The following PLPP1 variants were observed in gnomAD, a reference collection of about 807,000 sequenced individuals.
PLPP1 encodes lipid phosphate phosphohydrolase 1a.
PLPP1 carries 24 observed loss-of-function variants against 31.2 expected under a neutral mutation model. The ratio of observed to expected loss-of-function variants is 0.77; its 90% CI spans 0.56 to 1.08. The LOEUF (loss-of-function observed/expected upper bound fraction) is 1.08. Ranked by LOEUF, PLPP1 falls within the 50% of genes least tolerant of loss-of-function variation. The probability of loss-of-function intolerance (pLI) is 0.00; values close to 1 mark genes in which losing one functional copy is unlikely to be tolerated. For missense variants in PLPP1, 319 were observed against 342.7 expected, an observed-to-expected ratio of 0.93 and a Z score of 0.55; for synonymous variants, 146 against 126.3, an observed-to-expected ratio of 1.16 and a Z score of -1.05.
At chr5:55,484,798 C>T (rs1752742837) in intron 1 of PLPP1, 1 of 152,214 alleles carries the variant, frequency 6.6e-6, no homozygotes, top group Non-Finnish European at 1.5e-5. Flanking sequence ...CCAGCTCAAC[C>T]TCCAGGTAGG....
chr5:55,510,145 T>C (rs1753374317), intron 1 of PLPP1, among the ~76,000 whole-genome samples: 1 of 152,196 alleles, frequency 6.6e-6, no homozygotes, highest in Admixed American at 6.5e-5. Flanking sequence ...GAACTAGGGT[T>C]AGAAGTGATA....
At chr5:55,441,561 C>T (rs1751620841) in intron 4 of PLPP1, among the ~76,000 whole-genome samples, 1 of 150,164 alleles carries the variant, frequency 6.7e-6, no homozygotes, top group Non-Finnish European at 1.5e-5. Context: ...GAGAGTGGCT[C>T]CCAGTTAGGG....
At chr5:55,429,416 C>G (rs544467256) in intron 4 of PLPP1, among the ~76,000 whole-genome samples, 1 of 152,212 alleles carries the variant, frequency 6.6e-6, no homozygotes, top group South Asian at 2.1e-4. Context: ...GGAAGCAAGG[C>G]AGGGTACCTG....
chr5:55,432,802 A>T (rs1185046998), intron 4 of PLPP1, among the ~76,000 whole-genome samples: 994 of 5,606 alleles, frequency 0.18, 14 homozygotes, highest in Admixed American at 0.26. Context: ...TCATGATTTA[A>T]AAAAAAAAAA....
chr5:55,427,087 TAAAAAAA>T (rs3070034), intron 4 of PLPP1, among the ~76,000 whole-genome samples: 2 of 150,366 alleles, frequency 1.3e-5, no homozygotes, highest in Non-Finnish European at 3.0e-5. Flanking sequence ...CTGCTCTCAT[TAAAAAAA>T]AAAAAAAAAA....
At chr5:55,511,734 G>C (rs1234428718) in intron 1 of PLPP1, among the ~76,000 whole-genome samples, 1 of 128,988 alleles carries the variant, frequency 7.8e-6, no homozygotes, top group Non-Finnish European at 1.5e-5. Context: ...CGCGATCTCT[G>C]CTCACTGCAA....
chr5:55,519,703 TC>T (rs1753623142), intron 1 of PLPP1, among the ~76,000 whole-genome samples: 1 of 149,834 alleles, frequency 6.7e-6, no homozygotes, highest in Non-Finnish European at 1.5e-5. Context: ...TGAGCCAAGA[TC>T]GCGCCATTGC....
At chr5:55,464,446 G>A (rs1162646651) in intron 3 of PLPP1, among the ~76,000 whole-genome samples, 1 of 152,084 alleles carries the variant, frequency 6.6e-6, no homozygotes, top group East Asian at 1.9e-4. Flanking sequence ...ACGTTGGCCA[G>A]GCTGGTCTCG....
At chr5:55,469,990 T>A (rs1356724247) in intron 2 of PLPP1, among the ~76,000 whole-genome samples, 1 of 152,218 alleles carries the variant, frequency 6.6e-6, no homozygotes, top group Non-Finnish European at 1.5e-5. Flanking sequence ...TTTATACATG[T>A]TAAGCCCCAT....
chr5:55,426,633 C>A (rs565108433), intron 4 of PLPP1, among the ~76,000 whole-genome samples: 1 of 151,978 alleles, frequency 6.6e-6, no homozygotes, highest in Non-Finnish European at 1.5e-5. Context: ...GTCTCAAACT[C>A]CTCGTCTCAA....
chr5:55,471,644 A>G (rs955890235), intron 2 of PLPP1, among the ~76,000 whole-genome samples: 1 of 152,108 alleles, frequency 6.6e-6, no homozygotes, highest in African/African-American at 2.4e-5. Flanking sequence ...AGCTCCCTCA[A>G]TCACTCATTT....
At chr5:55,516,565 G>A (rs1314839954) in intron 1 of PLPP1, among the ~76,000 whole-genome samples, 3 of 152,168 alleles carry the variant, frequency 2.0e-5, no homozygotes, top group African/African-American at 7.2e-5. Flanking sequence ...AACGGTGACT[G>A]GGCCACATGC....
At chr5:55,485,449 C>G (rs1752755959) in intron 1 of PLPP1, among the ~76,000 whole-genome samples, 1 of 152,076 alleles carries the variant, frequency 6.6e-6, no homozygotes, top group African/African-American at 2.4e-5. Context: ...ACTGTGAAAT[C>G]TCAAAACATA....
intron 1 of PLPP1, chr5:55,530,009 G>A: frequency 1.8e-6 from 1 of 569,564 alleles, no homozygotes; most frequent in Admixed American, 3.1e-5. Flanking sequence ...GTTTTTAGAA[G>A]CCCTACCTTT....
chr5:55,534,671 T>C lies in PLPP1; in HGVS notation c.-42A>G, dbSNP rs1247782912. 2 of 1,516,194 alleles carry C rather than the reference T, an allele frequency of 1.3e-6. No homozygotes were observed. Among genetic ancestry groups the C allele is most frequent in the Admixed American group, 2.1e-5 (1 of 47,952 alleles). 93.9% of individuals were successfully genotyped at this position (1,516,194 alleles called of 1,614,324 possible). On this transcript the variant is annotated 5_prime_UTR_variant, in exon 1 of 6. Transcript: ENST00000307259. ...GCCCGGCAAGGGCGATGGACTGAGC[T>C]GCGGGACGGCGGCCGAGGCCCTTGA...
chr5:55,475,828 C>A (rs1434340670), intron 1 of PLPP1, among the ~76,000 whole-genome samples: 1 of 152,068 alleles, frequency 6.6e-6, no homozygotes, highest in Non-Finnish European at 1.5e-5. Flanking sequence ...GCTTTGCTTC[C>A]AAAAAGAAAA....
At position 55,425,975 on chromosome 5, in the gene PLPP1, C is replaced by G. The variant is rs891079140; in HGVS notation, c.614G>C (p.Gly205Ala). Reference sequence around the variant, plus strand: ...CACATAAATGGATACGGCAACAAGACCAAATTGCAGTGTGGGGCGTAAGAG... The same window carrying G: ...CACATAAATGGATACGGCAACAAGAGCAAATTGCAGTGTGGGGCGTAAGAG... ...ARLLRPTLQFGLVAVSIYVGL... is the reference protein window; with the variant it reads ...ARLLRPTLQFALVAVSIYVGL... The change falls in exon 5 of 6, where the codon GGT becomes GCT. Residue 205 changes from glycine to alanine, a missense_variant. Transcript: ENST00000307259. 1.9e-6 allele frequency: 3 copies of G among 1,613,870 alleles called. No homozygotes were observed. The highest frequency in any genetic ancestry group is 1.3e-5 in the African/African-American group (1 of 74,974).
intron 1 of PLPP1, among the ~76,000 whole-genome samples, chr5:55,490,200 G>A (rs1752859662): frequency 6.9e-6 from 1 of 145,956 alleles, no homozygotes; most frequent in Non-Finnish European, 1.5e-5. Flanking sequence ...GCCCAGGCTG[G>A]AGTGCAATGG....
intron 5 of PLPP1, chr5:55,425,604 ATAATCCCC>A (rs1457065444): frequency 6.7e-6 from 3 of 448,428 alleles, no homozygotes; most frequent in Non-Finnish European, 1.1e-5. Context: ...TTTTCAAGTC[ATAATCCCC>A]TAAAAAAACT....
Sources: allele counts gnomAD v4.1 joint callset (sites outside exome capture counted in the v4.1 genomes callset), GRCh38; gene constraint gnomAD v4.1.1; transcripts MANE v1.5; gene names NCBI Gene and HGNC (gene_info 2026-07-23, HGNC 2026-07-21).